The following LRP12 variants were observed in gnomAD, a reference collection of about 807,000 sequenced individuals.
LRP12 encodes low-density lipoprotein receptor-related protein 12.
In LRP12, 14 loss-of-function variants were observed where a neutral mutation model predicts 66.0. That is an observed-to-expected ratio of 0.21 (90% CI 0.14 to 0.33). LRP12 has a LOEUF of 0.33. Ranked by LOEUF, LRP12 falls within the 10% of genes least tolerant of loss-of-function variation. The pLI, the probability that LRP12 is intolerant of heterozygous loss-of-function variation, is 1.00. For synonymous variants in LRP12, 357 were observed against 359.1 expected (o/e 0.99, Z 0.07); for missense variants, 889 against 1,053.4 (o/e 0.84, Z 2.16).
chr8:104,530,492 C>T (rs1373054992), intron 2 of LRP12, among the ~76,000 whole-genome samples: 1 of 152,174 alleles, frequency 6.6e-6, no homozygotes, highest in African/African-American at 2.4e-5. Context: ...TGGCCATCTA[C>T]AGGCCAGGAA....
intron 1 of LRP12, chr8:104,566,553 C>G (rs1023476518): frequency 1.3e-5 from 2 of 152,866 alleles, no homozygotes; most frequent in African/African-American, 4.8e-5. Flanking sequence ...ATTTAGGAGA[C>G]TTTTAAAAAT....
intron 3 of LRP12, among the ~76,000 whole-genome samples, chr8:104,500,365 T>A (rs1323171139): frequency 6.6e-6 from 1 of 152,222 alleles, no homozygotes; most frequent in African/African-American, 2.4e-5. Flanking sequence ...TAACAAAAGC[T>A]GATAGACAAT....
chr8:104,514,886 T>C (rs1811054725), intron 2 of LRP12, among the ~76,000 whole-genome samples: 1 of 152,176 alleles, frequency 6.6e-6, no homozygotes, highest in African/African-American at 2.4e-5. Flanking sequence ...GACTGGTTGG[T>C]AGTAATGCCT....
At chr8:104,572,612 G>C (rs548969703) in intron 1 of LRP12, among the ~76,000 whole-genome samples, 26 of 151,928 alleles carry the variant, frequency 1.7e-4, no homozygotes, top group Non-Finnish European at 2.8e-4. Context: ...AGACAGATGG[G>C]TATTAGGAAT....
chr8:104,570,884 A>G (rs916285390), intron 1 of LRP12, among the ~76,000 whole-genome samples: 2 of 152,216 alleles, frequency 1.3e-5, no homozygotes, highest in Non-Finnish European at 2.9e-5. Flanking sequence ...AAAACTCAAC[A>G]GCAAAAAACC....
intron 1 of LRP12, among the ~76,000 whole-genome samples, chr8:104,551,781 A>G (rs1588502707): frequency 6.6e-6 from 1 of 152,152 alleles, no homozygotes; most frequent in Non-Finnish European, 1.5e-5. Context: ...CCTCAGGGCA[A>G]AGAAAGTCCT....
intron 1 of LRP12, among the ~76,000 whole-genome samples, chr8:104,588,597 G>T (rs541501006): frequency 6.6e-6 from 1 of 152,252 alleles, no homozygotes; most frequent in East Asian, 1.9e-4. Context: ...GGGCCCCCCA[G>T]CCCCTCTCCA....
Position 104,490,963 on chromosome 8 carries a change from C to G in LRP12, c.2290G>C (p.Val764Leu), listed in dbSNP as rs370769936. The G allele has an allele frequency of 9.1e-5, 147 of 1,613,944 alleles. No homozygotes were observed. In the Middle Eastern group the frequency reaches 1.5e-3, roughly 16 times the overall value. The change falls in exon 7 of 7, where the codon GTA (valine) becomes CTA (leucine). Residue 764 changes from valine to leucine, a missense_variant. Physicochemically the swap from Val to Leu is conservative, Grantham distance 32 (BLOSUM62 1). Coordinates refer to ENST00000276654, the MANE Select transcript of LRP12 (RefSeq NM_013437.5). ...TCATCATCATCTTCTCTTCCACTTA[C>G]CCCATTATCAAGTTGTCTCAAAGGA... ...QSPLRQLDNG[V>L]SGREDDDDVE...
At chr8:104,553,059 G>C (rs1313324998) in intron 1 of LRP12, among the ~76,000 whole-genome samples, 1 of 152,168 alleles carries the variant, frequency 6.6e-6, no homozygotes, top group African/African-American at 2.4e-5. Context: ...GAAGCAGTGG[G>C]AAGAGCCCTG....
rs1564142266 is a variant in LRP12, at chr8:104,548,354, AT to A, written c.80-16392del. 2.5e-4 allele frequency among the ~76,000 whole-genome samples: 14 copies of A among 56,992 alleles called. No individual in the cohort carries two copies. In the Admixed American group the frequency reaches 2.8e-3, roughly 11 times the overall value. The allele number at this position is 56,992 out of a possible 152,430, so 37.4% of individuals were successfully genotyped here. ...TATTATATAAATATATAAATATATA[AT>A]ATATATTATATAAATATATTATATA... On this transcript the variant is annotated intron_variant, in intron 1 of 6. Transcript: ENST00000276654.
chr8:104,554,205 CA>C (rs1811769079), intron 1 of LRP12, among the ~76,000 whole-genome samples: 2 of 152,104 alleles, frequency 1.3e-5, no homozygotes, highest in African/African-American at 2.4e-5. Context: ...GGCACTATAA[CA>C]AAACAAAGTT....
At chr8:104,562,775 C>A (rs1811934030) in intron 1 of LRP12, among the ~76,000 whole-genome samples, 2 of 152,078 alleles carry the variant, frequency 1.3e-5, no homozygotes, top group African/African-American at 4.8e-5. Context: ...AAAGTATTTG[C>A]ATAAGTTATT....
rs1811739819 is a variant in LRP12 at position 104,552,332 on chromosome 8, GC to G, written c.80-20370del. 4.0e-5 allele frequency among the ~76,000 whole-genome samples: 6 copies of G among 151,408 alleles called. No homozygotes were observed. In the South Asian group the frequency reaches 1.0e-3, roughly 26 times the overall value. On this transcript the variant is annotated intron_variant, in intron 1 of 6. Transcript: ENST00000276654. The stretch of plus-strand genomic sequence containing the variant: ...ACTCCTGGGTTCTTAACAGCTTATA[GC>G]CCATCAATCTAATAAATGTATAAAT...
chr8:104,565,840 G>A (rs1181088030), intron 1 of LRP12, among the ~76,000 whole-genome samples: 6 of 142,386 alleles, frequency 4.2e-5, no homozygotes, highest in Non-Finnish European at 7.5e-5. Context: ...CAGCCTCAGC[G>A]ACAGAGCAAG....
intron 1 of LRP12, among the ~76,000 whole-genome samples, chr8:104,537,284 T>C (rs923874973): frequency 6.6e-6 from 1 of 151,878 alleles, no homozygotes; most frequent in Non-Finnish European, 1.5e-5. Context: ...ACAGAAACAT[T>C]GAGAGTATCA....
intron 1 of LRP12, among the ~76,000 whole-genome samples, chr8:104,554,007 G>C (rs1166715469): frequency 1.3e-5 from 2 of 152,132 alleles, no homozygotes; most frequent in Non-Finnish European, 2.9e-5. Flanking sequence ...GCTCTGCTGG[G>C]TGGCTAGACC....
At chr8:104,544,826 T>C (rs1013946729) in intron 1 of LRP12, among the ~76,000 whole-genome samples, 1 of 152,178 alleles carries the variant, frequency 6.6e-6, no homozygotes, top group Admixed American at 6.5e-5. Flanking sequence ...AATCCACATA[T>C]TTCCATGCCT....
At chr8:104,528,430 A>G (rs1370738793) in intron 2 of LRP12, among the ~76,000 whole-genome samples, 1 of 152,134 alleles carries the variant, frequency 6.6e-6, no homozygotes, top group East Asian at 1.9e-4. Flanking sequence ...GATTTCAGAA[A>G]GCTTATACTC....
intron 3 of LRP12, among the ~76,000 whole-genome samples, chr8:104,500,400 T>C (rs1810807630): frequency 6.6e-6 from 1 of 152,186 alleles, no homozygotes; most frequent in Admixed American, 6.5e-5. Context: ...GTTTGCACTA[T>C]TATGAACTAT....
Sources: allele counts gnomAD v4.1 joint callset (sites outside exome capture counted in the v4.1 genomes callset), GRCh38; gene constraint gnomAD v4.1.1; transcripts MANE v1.5; gene names NCBI Gene and HGNC (gene_info 2026-07-23, HGNC 2026-07-21).